Variants in KIF20B observed in about 807,000 individuals in gnomAD.
KIF20B encodes the protein kinesin family member 20B.
A neutral mutation model predicts 232.5 loss-of-function variants in KIF20B; 188 were observed. The observed-to-expected ratio is 0.81, with a 90% CI of 0.72 to 0.91. KIF20B has a LOEUF of 0.91. Among genes scored for constraint, KIF20B ranks in the 40% least tolerant of loss-of-function variants. KIF20B has a pLI of 0.00. For synonymous variants in KIF20B, 712 were observed against 683.0 expected (o/e 1.04, Z -0.66); for missense variants, 2,154 against 2,055.9 (o/e 1.05, Z -0.92).
chr10:89,748,813 C>T (rs913477758), intron 23 of KIF20B, among the ~76,000 whole-genome samples: 1 of 152,046 alleles, frequency 6.6e-6, no homozygotes, highest in Non-Finnish European at 1.5e-5. Flanking sequence ...GTTTTCTTTG[C>T]CAAATATGGA....
In KIF20B at chr10:89,743,063, C is replaced by T. The variant is rs778479711; in HGVS notation, c.3916-745C>T. ...TTCCTTCCGTTTTTGAGCTCTCTAG[C>T]GAGTGTGAAAATGGAGTTTTGGCAG... is the stretch of plus-strand genomic sequence containing the variant. On this transcript the variant is annotated intron_variant, in intron 21 of 32. Transcript: ENST00000371728. 6.0e-4 allele frequency among the ~76,000 whole-genome samples: 92 copies of T among 152,072 alleles called. 1 individual carries two copies. Among genetic ancestry groups the T allele is most frequent in the Non-Finnish European group, 1.1e-3 (72 of 67,986 alleles).
chr10:89,711,758 T>C (rs1395789399), intron 6 of KIF20B, among the ~76,000 whole-genome samples: 3 of 152,130 alleles, frequency 2.0e-5, no homozygotes, highest in Non-Finnish European at 4.4e-5. Context: ...GTATCTTAAA[T>C]CTCTTCCTAC....
rs755664906 is a variant in KIF20B, at chr10:89,772,744, T to C, written c.5298T>C (p.Ser1766=). The C allele has an allele frequency of 6.2e-7, 1 of 1,608,238 alleles. No homozygotes were observed. The highest frequency in any genetic ancestry group is 2.2e-5 in the East Asian group (1 of 44,672). The change falls in exon 32 of 33, where the codon AGT becomes AGC. Residue 1766 remains serine (S), a synonymous_variant. Transcript: ENST00000371728. The part of the protein sequence containing the change: ...SSSKLSNVEA[S]KENVSQPKRA... The stretch of plus-strand genomic sequence containing the variant: ...CAAAGCTCTCAAATGTAGAAGCAAG[T>C]AAAGAAAATGTGTCTCAACCAAAAC...
chr10:89,761,574 G>A (rs1842241848), intron 28 of KIF20B, among the ~76,000 whole-genome samples: 1 of 152,094 alleles, frequency 6.6e-6, no homozygotes, highest in South Asian at 2.1e-4. Flanking sequence ...AGCCTCCTGA[G>A]TAGCTGGGAC....
At chr10:89,737,263 ATT>A (rs60734702) in intron 19 of KIF20B, 122 bp from the exon 20 acceptor site, 246,301 of 885,566 alleles carry the variant, frequency 0.28, 30,225 homozygotes, top group South Asian at 0.44. Flanking sequence ...AGCTTATTTC[ATT>A]TTTTTTTTTT....
chr10:89,747,903 T>A (rs865830626), intron 23 of KIF20B, among the ~76,000 whole-genome samples: 1 of 150,994 alleles, frequency 6.6e-6, no homozygotes, highest in Non-Finnish European at 1.5e-5. Context: ...AATAATAAAA[T>A]TTTTAAAAAG....
intron 19 of KIF20B, 123 bp downstream of exon 19, chr10:89,733,179 C>CT: frequency 1.1e-6 from 1 of 951,430 alleles, no homozygotes; most frequent in Middle Eastern, 2.1e-4. Context: ...ATCTAAACGT[C>CT]TTGAATTTTT....
chr10:89,738,613 G>A lies in KIF20B; in HGVS notation c.3772G>A (p.Glu1258Lys). ...AGAAGAAACCAACAGGCAAGAAACA[G>A]AAAAGTAAGCTAAATGTTATTCAAA... ...EEEETNRQET[E>K]KLKEELSASS... Residue 1258 changes from glutamate (E) to lysine (K), a missense_variant, in exon 20 of 33, where the codon GAA (glutamate) becomes AAA (lysine). Transcript: ENST00000371728. The A allele has an allele frequency of 1.3e-6, 2 of 1,546,176 alleles. No individual in the cohort carries two copies. Among genetic ancestry groups the A allele is most frequent in the South Asian group, 2.5e-5 (2 of 79,814 alleles).
rs372714100 is a variant in KIF20B at position 89,709,936 on chromosome 10, C to G, written c.361C>G (p.Pro121Ala). 3 of 1,568,818 alleles carry G rather than the reference C, an allele frequency of 1.9e-6. No individual in the cohort carries two copies. The highest frequency in any genetic ancestry group is 2.8e-5 in the African/African-American group (2 of 72,220). ...QKFSFSKVFG[P>A]ATTQKEFFQG... Reference sequence around the variant, plus strand: ...AAAAATGTTTGCTTAGGTTTTTGGCCCAGCAACTACACAGAAGGAATTCTT... The same window carrying G: ...AAAAATGTTTGCTTAGGTTTTTGGCGCAGCAACTACACAGAAGGAATTCTT... Residue 121 changes from proline to alanine, a missense_variant, in exon 5 of 33, where the codon CCA (proline) becomes GCA (alanine). Transcript: ENST00000371728.
rs1387501809 is a variant in KIF20B, at chr10:89,774,080, A to G, written c.*32A>G. Reference sequence around the variant, plus strand: ...TATGGAAATGTTTAATATAAATTTTATAGTCATAGTCATTGGAACTTGCAT... The same window carrying G: ...TATGGAAATGTTTAATATAAATTTTGTAGTCATAGTCATTGGAACTTGCAT... On this transcript the variant is annotated 3_prime_UTR_variant, in exon 33 of 33. Transcript: ENST00000371728. 5 of 1,341,158 alleles carry G rather than the reference A, an allele frequency of 3.7e-6. No individual in the cohort carries two copies. Among genetic ancestry groups the G allele is most frequent in the Non-Finnish European group, 5.2e-6 (5 of 963,778 alleles). 83.1% of individuals were successfully genotyped at this position (1,341,158 alleles called of 1,614,324 possible).
intron 29 of KIF20B, 53 bp from the exon 30 acceptor site, chr10:89,768,237 A>G (rs1478273193): frequency 8.6e-7 from 1 of 1,164,130 alleles, no homozygotes; most frequent in East Asian, 2.5e-5. Context: ...TTGAGTCTAG[A>G]GAAATAAAAT....
chr10:89,710,367 C>G (rs1163837215), intron 5 of KIF20B, among the ~76,000 whole-genome samples: 1 of 151,978 alleles, frequency 6.6e-6, no homozygotes, highest in Non-Finnish European at 1.5e-5. Context: ...GTAGCTGGGA[C>G]TACAGGCGTG....
intron 21 of KIF20B, among the ~76,000 whole-genome samples, chr10:89,740,536 A>G (rs1213208912): frequency 1.3e-5 from 2 of 151,766 alleles, no homozygotes; most frequent in Non-Finnish European, 2.9e-5. Context: ...GAAATTTCCA[A>G]CTCTAATCAT....
In KIF20B at chr10:89,712,485, C is replaced by A. The variant is rs140114934; in HGVS notation, c.675+1340C>A. Reference sequence around the variant, plus strand: ...GCCTAGGCTGGACTTGAACTCTTGGCCTCAAGAGATCCTCTTCCCTTGGCC... The same window carrying A: ...GCCTAGGCTGGACTTGAACTCTTGGACTCAAGAGATCCTCTTCCCTTGGCC... On this transcript the variant is annotated intron_variant, in intron 6 of 32. Coordinates refer to ENST00000371728, the MANE Select transcript of KIF20B (RefSeq NM_001284259.2). Among the ~76,000 whole-genome samples, 481 of 152,162 alleles carry A rather than the reference C, an allele frequency of 3.2e-3. 4 individuals carry two copies. Among genetic ancestry groups the A allele is most frequent in the African/African-American group, 0.011 (448 of 41,498 alleles).
intron 2 of KIF20B, among the ~76,000 whole-genome samples, chr10:89,707,662 C>T (rs1315977564): frequency 6.6e-6 from 1 of 151,390 alleles, no homozygotes; most frequent in Non-Finnish European, 1.5e-5. Flanking sequence ...TCCCCCTTCA[C>T]ACCCAATTAC....
chr10:89,706,454 G>T (rs74852916), intron 2 of KIF20B, among the ~76,000 whole-genome samples: 4,769 of 151,876 alleles, frequency 0.031, 373 homozygotes, highest in East Asian at 0.27. Context: ...GAATTTTTTT[G>T]TGTGTGTGTT....
intron 22 of KIF20B, among the ~76,000 whole-genome samples, chr10:89,745,405 C>G (rs1841887753): frequency 1.3e-5 from 2 of 152,074 alleles, no homozygotes; most frequent in African/African-American, 2.4e-5. Context: ...CGCCTATAAT[C>G]CCAGTTACTC....
At chr10:89,733,956 G>C (rs931661543) in intron 19 of KIF20B, among the ~76,000 whole-genome samples, 1 of 151,990 alleles carries the variant, frequency 6.6e-6, no homozygotes, top group Non-Finnish European at 1.5e-5. Context: ...AACAAATACA[G>C]GTTGTTTTTT....
At chr10:89,728,520 T>C (rs1843240021) in intron 17 of KIF20B, among the ~76,000 whole-genome samples, 1 of 151,250 alleles carries the variant, frequency 6.6e-6, no homozygotes. Flanking sequence ...TTTATTTATT[T>C]ATTGTTTTTG....
Sources: allele counts gnomAD v4.1 joint callset (sites outside exome capture counted in the v4.1 genomes callset), GRCh38; gene constraint gnomAD v4.1.1; transcripts MANE v1.5; gene names NCBI Gene and HGNC (gene_info 2026-07-23, HGNC 2026-07-21).